The following CEP128 variants were observed in gnomAD, a reference collection of about 807,000 sequenced individuals.
CEP128 encodes the protein centrosomal protein 128kDa.
In CEP128, 132 loss-of-function variants were observed where a neutral mutation model predicts 156.7. That is an observed-to-expected ratio of 0.84 (90% CI 0.73 to 0.97). CEP128 has a LOEUF of 0.97. Ranked by LOEUF, CEP128 falls within the 50% of genes least tolerant of loss-of-function variation. The probability of loss-of-function intolerance (pLI) is 0.00; values close to 1 mark genes in which losing one functional copy is unlikely to be tolerated. For synonymous variants in CEP128, 469 were observed against 448.9 expected (o/e 1.04, Z -0.57); for missense variants, 1,252 against 1,281.9 (o/e 0.98, Z 0.36).
intron 14 of CEP128, among the ~76,000 whole-genome samples, chr14:80,479,760 C>T (rs1887014952): frequency 6.6e-6 from 1 of 152,146 alleles, no homozygotes; most frequent in African/African-American, 2.4e-5. Context: ...TCAGCATTAA[C>T]CCAAAAGTCC....
chr14:80,910,730 C>CT (rs5810006), intron 4 of CEP128, among the ~76,000 whole-genome samples: 67,757 of 151,918 alleles, frequency 0.45, 15,500 homozygotes, highest in South Asian at 0.56. Context: ...TCAAGACATG[C>CT]TTTTTCTGAC....
In CEP128 at chr14:80,785,149, C is replaced by T. The variant is rs760371284; in HGVS notation, c.1957G>A (p.Glu653Lys). ...IRADLANKLA[E>K]EERAKKAVLK... ...ACTGCTTTCTTGGCTCTCTCTTCCTCAGCCAATTTATTAGCAAGATCTGCT... is the reference window on the plus strand; with the variant it reads ...ACTGCTTTCTTGGCTCTCTCTTCCTTAGCCAATTTATTAGCAAGATCTGCT... Residue 653 changes from glutamate (E) to lysine (K), a missense_variant, in exon 15 of 25, where the codon GAG becomes AAG. By Grantham distance (56) the Glu-to-Lys change is moderately conservative (BLOSUM62 1). Coordinates refer to ENST00000555265, the MANE Select transcript of CEP128 (RefSeq NM_152446.5). 5 of 1,614,056 alleles carry T rather than the reference C, an allele frequency of 3.1e-6. No homozygotes were observed. Among genetic ancestry groups the T allele is most frequent in the African/African-American group, 1.3e-5 (1 of 74,938 alleles).
intron 19 of CEP128, among the ~76,000 whole-genome samples, chr14:80,700,060 C>CCA (rs10694131): frequency 0.38 from 57,778 of 151,808 alleles, 11,931 homozygotes; most frequent in East Asian, 0.73. Context: ...CTAAGTCCTC[C>CCA]CACAGATTCT....
chr14:80,709,310 G>A (rs1897322499), intron 19 of CEP128, among the ~76,000 whole-genome samples: 1 of 151,766 alleles, frequency 6.6e-6, no homozygotes, highest in South Asian at 2.1e-4. Context: ...AGCTAATTTT[G>A]TATTTTTAGT....
intron 20 of CEP128, among the ~76,000 whole-genome samples, chr14:80,567,424 G>A (rs1890960962): frequency 6.6e-6 from 1 of 152,138 alleles, no homozygotes. Flanking sequence ...AATGCAGCCT[G>A]AGCGGCAAGG....
At chr14:80,562,649 T>G (rs573755825) in intron 20 of CEP128, among the ~76,000 whole-genome samples, 1 of 143,730 alleles carries the variant, frequency 7.0e-6, no homozygotes, top group South Asian at 2.2e-4. Context: ...GTGTAGCTTT[T>G]CTTTTCTTTT....
chr14:80,505,443 A>G (rs1406497883), intron 23 of CEP128, among the ~76,000 whole-genome samples: 2 of 152,214 alleles, frequency 1.3e-5, no homozygotes, highest in Non-Finnish European at 2.9e-5. Flanking sequence ...ACTCATATAC[A>G]TAACACTGTG....
intron 16 of CEP128, among the ~76,000 whole-genome samples, chr14:80,769,278 TG>T (rs1198902050): frequency 8.5e-5 from 13 of 152,056 alleles, no homozygotes; most frequent in East Asian, 3.9e-4. Flanking sequence ...TATTCTGAGT[TG>T]TTTTTTTTTT....
At chr14:80,671,850 TC>T (rs1310347518) in intron 19 of CEP128, among the ~76,000 whole-genome samples, 1 of 146,704 alleles carries the variant, frequency 6.8e-6, no homozygotes, top group African/African-American at 2.5e-5. Flanking sequence ...GTTTTCTCCT[TC>T]TTGGGTTTTT....
intron 19 of CEP128, among the ~76,000 whole-genome samples, chr14:80,720,836 T>C (rs1333139449): frequency 6.6e-6 from 1 of 152,192 alleles, no homozygotes; most frequent in South Asian, 2.1e-4. Context: ...CTAGCCTCTA[T>C]ATTCTAAACC....
At chr14:80,511,074 T>G (rs7159234) in intron 23 of CEP128, among the ~76,000 whole-genome samples, 103,417 of 147,296 alleles carry the variant, frequency 0.7, 40,163 homozygotes, top group East Asian at 0.86. Context: ...CCTTTTTTTT[T>G]TTTATATGTC....
intron 13 of CEP128, among the ~76,000 whole-genome samples, chr14:80,805,067 T>A (rs1884096199): frequency 6.6e-6 from 1 of 152,000 alleles, no homozygotes; most frequent in African/African-American, 2.4e-5. Flanking sequence ...TAACATGTTC[T>A]CCTATCATAT....
At chr14:80,923,023 T>G (rs1884959959) in intron 2 of CEP128, among the ~76,000 whole-genome samples, 1 of 152,196 alleles carries the variant, frequency 6.6e-6, no homozygotes, top group Non-Finnish European at 1.5e-5. Flanking sequence ...GACGTGAGCT[T>G]TTTCCAAATC....
At chr14:80,613,819 G>T (rs1224950359) in intron 19 of CEP128, among the ~76,000 whole-genome samples, 2 of 151,824 alleles carry the variant, frequency 1.3e-5, no homozygotes, top group Admixed American at 6.6e-5. Context: ...TGAAACAAGG[G>T]GCAGAAGACA....
intron 22 of CEP128, among the ~76,000 whole-genome samples, chr14:80,527,944 T>C (rs946783952): frequency 3.9e-5 from 6 of 152,148 alleles, no homozygotes; most frequent in African/African-American, 1.4e-4. Context: ...GACAATTATT[T>C]AGACATTTCT....
At position 80,749,323 on chromosome 14, in the gene CEP128, C is replaced by T. The variant is rs1046294011; in HGVS notation, c.2614-6056G>A. ...AAGGAAATCAGGATAGCGATGTCTG[C>T]GCTCCCACATTTGTTGTGGCACTAA... On this transcript the variant is annotated intron_variant, in intron 18 of 24. Coordinates refer to ENST00000555265, the MANE Select transcript of CEP128 (RefSeq NM_152446.5). Among the ~76,000 whole-genome samples the T allele has an allele frequency of 3.3e-5, 5 of 152,144 alleles. 1 individual carries two copies. The South Asian group carries it at 6.2e-4, about 19-fold the overall frequency.
At chr14:80,822,397 C>T (rs981226302) in intron 13 of CEP128, 7 of 399,630 alleles carry the variant, frequency 1.8e-5, no homozygotes, top group Non-Finnish European at 3.4e-5. Context: ...CAAAATCCAA[C>T]AGGGAAGTCA....
At chr14:80,571,730 G>A (rs1236406803) in intron 20 of CEP128, among the ~76,000 whole-genome samples, 1 of 151,408 alleles carries the variant, frequency 6.6e-6, no homozygotes, top group Non-Finnish European at 1.5e-5. Context: ...GTTGAAAACT[G>A]AAATTGACGA....
At chr14:80,875,164 A>T (rs1271067750) in intron 8 of CEP128, among the ~76,000 whole-genome samples, 1 of 152,172 alleles carries the variant, frequency 6.6e-6, no homozygotes, top group East Asian at 1.9e-4. Context: ...TGGGTCCCTG[A>T]TTAATCACTC....
Sources: allele counts gnomAD v4.1 joint callset (sites outside exome capture counted in the v4.1 genomes callset), GRCh38; gene constraint gnomAD v4.1.1; transcripts MANE v1.5; gene names NCBI Gene and HGNC (gene_info 2026-07-23, HGNC 2026-07-21).